The following UBAC2 variants were observed in gnomAD, a reference collection of about 807,000 sequenced individuals.
UBAC2 encodes the protein ubiquitin-associated domain-containing protein 2.
A neutral mutation model predicts 44.0 loss-of-function variants in UBAC2; 26 were observed. The observed-to-expected ratio is 0.59, with a 90% confidence interval of 0.43 to 0.82. The LOEUF (loss-of-function observed/expected upper bound fraction) is 0.82, where lower values mean the gene tolerates loss of function less well. Among genes scored for constraint, UBAC2 ranks in the 40% least tolerant of loss-of-function variants. The pLI is 0.00. For missense variants in UBAC2, 329 were observed against 419.4 expected, an observed-to-expected ratio of 0.78 and a Z score of 1.88; for synonymous variants, 155 against 154.3, an observed-to-expected ratio of 1.00 and a Z score of -0.04.
chr13:99,216,082 TTGTGTGTGTG>T (rs3031384), intron 1 of UBAC2, among the ~76,000 whole-genome samples: 46 of 148,840 alleles, frequency 3.1e-4, no homozygotes, highest in African/African-American at 8.2e-4. Context: ...CAACCTATAT[TTGTGTGTGTG>T]TGTGTGTGTG....
intron 1 of UBAC2, among the ~76,000 whole-genome samples, chr13:99,227,198 CAAA>C (rs561593304): frequency 7.6e-6 from 1 of 131,440 alleles, no homozygotes; most frequent in Non-Finnish European, 1.6e-5. Context: ...AACTCCATCT[CAAA>C]AAAAAAAAAA....
chr13:99,348,873 C>T (rs1007201404), intron 7 of UBAC2, among the ~76,000 whole-genome samples: 11 of 152,032 alleles, frequency 7.2e-5, no homozygotes, highest in Admixed American at 2.6e-4. Flanking sequence ...ATCAGCTGGG[C>T]GTGGTGGCCT....
intron 1 of UBAC2, among the ~76,000 whole-genome samples, chr13:99,204,875 G>A (rs1249239637): frequency 1.3e-5 from 2 of 150,868 alleles, no homozygotes; most frequent in East Asian, 1.9e-4. Context: ...AGAGGTGGCC[G>A]CAGGTGTAAG....
intron 4 of UBAC2, among the ~76,000 whole-genome samples, chr13:99,284,183 A>T (rs2138692106): frequency 1.3e-5 from 2 of 152,366 alleles, no homozygotes; most frequent in Admixed American, 1.3e-4. Flanking sequence ...TTGTATTCAA[A>T]CTTTGCTGCT....
intron 4 of UBAC2, among the ~76,000 whole-genome samples, chr13:99,299,573 A>C (rs777000891): frequency 6.6e-6 from 1 of 152,204 alleles, no homozygotes; most frequent in African/African-American, 2.4e-5. Context: ...TTCTATTCAG[A>C]ATGTTCATTT....
At chr13:99,276,417 G>T (rs1378538798) in intron 4 of UBAC2, among the ~76,000 whole-genome samples, 1 of 152,210 alleles carries the variant, frequency 6.6e-6, no homozygotes. Flanking sequence ...ACGTCTCACA[G>T]AACTCAGGAA....
intron 4 of UBAC2, among the ~76,000 whole-genome samples, chr13:99,256,761 GC>G (rs2043568396): frequency 1.3e-5 from 2 of 150,380 alleles, no homozygotes; most frequent in Non-Finnish European, 3.0e-5. Flanking sequence ...ATTTGGGGTT[GC>G]AAATATCATT....
At chr13:99,355,848 C>T (rs570952761) in intron 7 of UBAC2, among the ~76,000 whole-genome samples, 11 of 152,358 alleles carry the variant, frequency 7.2e-5, no homozygotes, top group South Asian at 4.1e-4. Flanking sequence ...ACCCACTGGA[C>T]GCCCTGGTGC....
intron 4 of UBAC2, among the ~76,000 whole-genome samples, chr13:99,284,561 G>C (rs1054234215): frequency 6.6e-6 from 1 of 152,170 alleles, no homozygotes; most frequent in East Asian, 1.9e-4. Context: ...AAAGCAAGTT[G>C]TAGACATAAT....
At chr13:99,308,552 A>C (rs902097913) in intron 4 of UBAC2, 3 of 152,176 alleles carry the variant, frequency 2.0e-5, no homozygotes, top group African/African-American at 7.2e-5. Flanking sequence ...TGCTTGAGTA[A>C]ACTTGATGAT....
intron 8 of UBAC2, among the ~76,000 whole-genome samples, chr13:99,369,322 A>G (rs2045375395): frequency 6.6e-6 from 1 of 152,226 alleles, no homozygotes; most frequent in Non-Finnish European, 1.5e-5. Context: ...CATACTCAGT[A>G]GAAGCCATAC....
At chr13:99,206,771 G>GCTA (rs1207297791) in intron 1 of UBAC2, among the ~76,000 whole-genome samples, 3 of 152,130 alleles carry the variant, frequency 2.0e-5, no homozygotes, top group Non-Finnish European at 4.4e-5. Context: ...ATCTCCCTAT[G>GCTA]CTACCTCTAT....
chr13:99,303,248 A>G (rs2044282403), intron 4 of UBAC2, among the ~76,000 whole-genome samples: 1 of 152,242 alleles, frequency 6.6e-6, no homozygotes, highest in Non-Finnish European at 1.5e-5. Context: ...TTAGCAGTCT[A>G]CTGTTTCCTC....
At chr13:99,241,264 C>CAAAAAAA (rs35336464) in intron 2 of UBAC2, among the ~76,000 whole-genome samples, 2 of 114,856 alleles carry the variant, frequency 1.7e-5, no homozygotes, top group African/African-American at 3.6e-5. Context: ...GACCCTGTCT[C>CAAAAAAA]AAAAAAAAAA....
chr13:99,201,023 C>T, intron 1 of UBAC2, 84 bp downstream of exon 1: 1 of 1,295,894 alleles, frequency 7.7e-7, no homozygotes, highest in Non-Finnish European at 9.9e-7. Flanking sequence ...AGCGGGGACC[C>T]TCGGGTTTGC....
At chr13:99,220,803 G>A (rs2043045071) in intron 1 of UBAC2, among the ~76,000 whole-genome samples, 2 of 151,826 alleles carry the variant, frequency 1.3e-5, no homozygotes, top group Non-Finnish European at 2.9e-5. Context: ...CAGTGCATAA[G>A]GATTCACCAT....
At chr13:99,215,142 A>G (rs1161605114) in intron 1 of UBAC2, among the ~76,000 whole-genome samples, 2 of 152,272 alleles carry the variant, frequency 1.3e-5, no homozygotes, top group East Asian at 3.8e-4. Context: ...ATCAAAGCCC[A>G]GTACTTCAGA....
intron 4 of UBAC2, among the ~76,000 whole-genome samples, chr13:99,309,470 G>A (rs536143997): frequency 1.3e-5 from 2 of 152,250 alleles, no homozygotes; most frequent in South Asian, 4.1e-4. Flanking sequence ...TCATTATCCT[G>A]TAAGAGGCCG....
At chr13:99,314,256 C>CCA in intron 5 of UBAC2, 36 bp downstream of exon 5, 1 of 1,493,864 alleles carries the variant, frequency 6.7e-7, no homozygotes, top group African/African-American at 1.5e-5. Flanking sequence ...TTTTCTTTAA[C>CCA]CAGATCTTTT....
Sources: allele counts gnomAD v4.1 joint callset (sites outside exome capture counted in the v4.1 genomes callset), GRCh38; gene constraint gnomAD v4.1.1; transcripts MANE v1.5; gene names NCBI Gene and HGNC (gene_info 2026-07-23, HGNC 2026-07-21).